CACNB4: variants seen among roughly 807,000 people sequenced by gnomAD.
The protein encoded by CACNB4 is voltage-dependent L-type calcium channel subunit beta-4.
A neutral mutation model predicts 71.2 loss-of-function variants in CACNB4; 32 were observed. The observed-to-expected ratio is 0.45, with a 90% CI of 0.34 to 0.60. The LOEUF is 0.60. CACNB4 is among the 20% of genes least tolerant of loss of function. The pLI is 0.01. For synonymous variants in CACNB4, 231 were observed against 236.9 expected, an observed-to-expected ratio of 0.97 and a Z score of 0.23; for missense variants, 464 against 647.9, an observed-to-expected ratio of 0.72 and a Z score of 3.08.
At chr2:151,840,943 C>G (rs764394485) in intron 13 of CACNB4, among the ~76,000 whole-genome samples, 3 of 152,122 alleles carry the variant, frequency 2.0e-5, no homozygotes, top group Non-Finnish European at 4.4e-5. Flanking sequence ...CATTTTGTAC[C>G]ATAAGGTCTC....
intron 2 of CACNB4, among the ~76,000 whole-genome samples, chr2:152,026,930 G>T (rs553852565): frequency 3.8e-4 from 55 of 145,018 alleles, no homozygotes; most frequent in Middle Eastern, 3.6e-3. Context: ...TTTTTGATAC[G>T]GAGTTTCACT....
chr2:152,035,651 CTATA>C lies in CACNB4; in HGVS notation c.147+62675_147+62678del, dbSNP rs1553818082. Among the ~76,000 whole-genome samples, 26 of 118,042 alleles carry C rather than the reference CTATA, an allele frequency of 2.2e-4. 1 individual carries two copies. The highest frequency in any genetic ancestry group is 9.4e-4 in the African/African-American group (26 of 27,524). 77.4% of individuals were successfully genotyped at this position (118,042 alleles called of 152,430 possible). On this transcript the variant is annotated intron_variant, in intron 2 of 13. Transcript: ENST00000539935. ...TCTCCCTCTCTCTCTCTCTCTCTCT[CTATA>C]TATATATATATATGTATGTATGTAT...
At chr2:151,973,622 G>A in intron 2 of CACNB4, 3 of 1,550,620 alleles carry the variant, frequency 1.9e-6, no homozygotes, top group African/African-American at 1.4e-5. Context: ...ATAGTGGGAG[G>A]AGGAAGAGGA....
At chr2:151,971,459 A>G (rs7567588) in intron 2 of CACNB4, 571,895 of 701,800 alleles carry the variant, frequency 0.81, 243,164 homozygotes, top group Non-Finnish European at 0.91. Context: ...GACTGCAGCT[A>G]GCCATCTGAG....
chr2:151,940,969 A>G lies in CACNB4; in HGVS notation c.148-57599T>C, dbSNP rs57714309. On this transcript the variant is annotated intron_variant, in intron 2 of 13. Coordinates refer to ENST00000539935, the MANE Select transcript of CACNB4 (RefSeq NM_000726.5). ...GTAGTAAATGGGAATGTACCTTCTA[A>G]GTGCTACTTCCTCATCCAGAAGAAC... Among the ~76,000 whole-genome samples the G allele has an allele frequency of 2.3e-3, 350 of 152,260 alleles. 2 individuals carry two copies. Among genetic ancestry groups the G allele is most frequent in the African/African-American group, 8.0e-3 (334 of 41,546 alleles).
intron 2 of CACNB4, among the ~76,000 whole-genome samples, chr2:151,950,912 G>A (rs951264005): frequency 6.6e-6 from 1 of 152,118 alleles, no homozygotes; most frequent in African/African-American, 2.4e-5. Context: ...TATTCTAAAT[G>A]TACTAAATGC....
intron 12 of CACNB4, among the ~76,000 whole-genome samples, 175 bp from the exon 13 acceptor site, chr2:151,842,263 C>T (rs2099836408): frequency 6.7e-6 from 1 of 148,912 alleles, no homozygotes; most frequent in African/African-American, 2.5e-5. Flanking sequence ...ACACAGTTAT[C>T]CATGAACGAA....
intron 2 of CACNB4, among the ~76,000 whole-genome samples, chr2:151,993,935 G>A (rs892835653): frequency 1.3e-5 from 2 of 151,412 alleles, no homozygotes; most frequent in African/African-American, 2.4e-5. Flanking sequence ...ACTTTGGGAG[G>A]TCAAGGCAGG....
intron 2 of CACNB4, among the ~76,000 whole-genome samples, chr2:152,073,712 G>C (rs76688003): frequency 0.012 from 1,800 of 152,298 alleles, 23 homozygotes; most frequent in Non-Finnish European, 0.015. Context: ...TTGTCAATCT[G>C]CTTTCACTCT....
intron 2 of CACNB4, among the ~76,000 whole-genome samples, chr2:151,893,672 T>C (rs753655860): frequency 6.6e-6 from 1 of 152,018 alleles, no homozygotes; most frequent in Non-Finnish European, 1.5e-5. Context: ...GAAACTATGC[T>C]AAAGTTTTAA....
chr2:151,913,504 G>A (rs762637322), intron 2 of CACNB4, among the ~76,000 whole-genome samples: 8 of 152,044 alleles, frequency 5.3e-5, no homozygotes, highest in Non-Finnish European at 1.0e-4. Flanking sequence ...GGTGGCTCAC[G>A]CCTGTAATCC....
At chr2:151,939,970 T>A (rs2099863833) in intron 2 of CACNB4, among the ~76,000 whole-genome samples, 1 of 152,178 alleles carries the variant, frequency 6.6e-6, no homozygotes, top group Non-Finnish European at 1.5e-5. Flanking sequence ...AAATTTTATA[T>A]CCAAAAATCT....
intron 2 of CACNB4, among the ~76,000 whole-genome samples, chr2:151,908,828 A>C (rs1341797910): frequency 6.6e-6 from 1 of 152,150 alleles, no homozygotes; most frequent in Non-Finnish European, 1.5e-5. Context: ...TAGGTTTCTG[A>C]AGCAGGTTAT....
chr2:152,091,279 A>G (rs1687958530), intron 2 of CACNB4, among the ~76,000 whole-genome samples: 1 of 152,198 alleles, frequency 6.6e-6, no homozygotes, highest in Non-Finnish European at 1.5e-5. Flanking sequence ...AAAACTCACA[A>G]AGGAAATAAG....
In CACNB4 at chr2:151,972,975, G is replaced by T. The variant is rs534257227; in HGVS notation, c.148-89605C>A. The T allele has an allele frequency of 2.0e-5, 3 of 152,276 alleles. No homozygotes were observed. The East Asian group carries it at 5.8e-4, about 29-fold the overall frequency. 9.4% of individuals were successfully genotyped at this position (152,276 alleles called of 1,614,324 possible). On this transcript the variant is annotated intron_variant, in intron 2 of 13. Coordinates refer to ENST00000539935, the MANE Select transcript of CACNB4 (RefSeq NM_000726.5). ...TATATTTAAAAGCTAGCACTCTATG[G>T]TATGATTTCAGGGATTTCAGGAAAT...
At chr2:151,907,514 C>T (rs181002280) in intron 2 of CACNB4, among the ~76,000 whole-genome samples, 2 of 152,292 alleles carry the variant, frequency 1.3e-5, no homozygotes, top group East Asian at 3.9e-4. Flanking sequence ...GTGCATTTGT[C>T]ATAAATAAGA....
chr2:152,004,004 T>C (rs1682578299), intron 2 of CACNB4, among the ~76,000 whole-genome samples: 1 of 152,052 alleles, frequency 6.6e-6, no homozygotes, highest in African/African-American at 2.4e-5. Flanking sequence ...CCACCATGTC[T>C]GGTGACAGGA....
In CACNB4 at chr2:151,834,529, T is replaced by C. The variant is rs2099834472; in HGVS notation, c.*4590A>G. 1 of 152,042 alleles carries C rather than the reference T, an allele frequency of 6.6e-6. No individual in the cohort carries two copies. Among genetic ancestry groups the C allele is most frequent in the Non-Finnish European group, 1.5e-5 (1 of 67,860 alleles). 9.4% of individuals were successfully genotyped at this position (152,042 alleles called of 1,614,324 possible). A position where few individuals can be genotyped will look rare whatever the true frequency, so the allele number is the denominator to read the frequency against. On this transcript the variant is annotated 3_prime_UTR_variant, in exon 14 of 14. Coordinates refer to ENST00000539935, the MANE Select transcript of CACNB4 (RefSeq NM_000726.5). The stretch of plus-strand genomic sequence containing the variant: ...AAGAGATAGCTGCTATCAGAGGATG[T>C]ATTTTATTTAAGAAAGTCCATTTTA...
At chr2:151,947,067 T>TG (rs2099865778) in intron 2 of CACNB4, among the ~76,000 whole-genome samples, 1 of 151,870 alleles carries the variant, frequency 6.6e-6, no homozygotes. Flanking sequence ...ATGGTCAATG[T>TG]GAAAAAAAAG....
Sources: gnomAD v4.1 joint callset for allele counts (sites outside exome capture counted in the v4.1 genomes callset) on GRCh38, gnomAD v4.1.1 for gene constraint, MANE v1.5 for transcripts, NCBI Gene and HGNC (gene_info 2026-07-23, HGNC 2026-07-21) for gene names.